ZNF254: variants seen among roughly 807,000 people sequenced by gnomAD.
ZNF254 encodes CTD-2017D11.1.
Under a neutral mutation model 12.4 loss-of-function variants are expected in ZNF254, and 10 were observed. The ratio of observed to expected loss-of-function variants is 0.80; its 90% CI spans 0.50 to 1.36. ZNF254 has a LOEUF of 1.36. Among genes scored for constraint, ZNF254 ranks in the 40% most tolerant of loss-of-function variants. ZNF254 has a pLI of 0.00. For synonymous variants in ZNF254, 305 were observed against 253.4 expected (o/e 1.20, Z -1.93); for missense variants, 996 against 763.9 (o/e 1.30, Z -3.58).
At chr19:24,035,253 T>C (rs1004961779) in intron 1 of ZNF254, among the ~76,000 whole-genome samples, 1 of 152,110 alleles carries the variant, frequency 6.6e-6, no homozygotes. Context: ...AGCCTCCGCC[T>C]CCCAGGTTGG....
Position 24,127,057 on chromosome 19 carries a change from G to C in ZNF254, c.1057G>C (p.Glu353Gln), listed in dbSNP as rs777710940. The C allele has an allele frequency of 1.2e-6, 2 of 1,613,446 alleles. No homozygotes were observed. Among genetic ancestry groups the C allele is most frequent in the South Asian group, 2.2e-5 (2 of 91,050 alleles). The change falls in exon 4 of 4, where the codon GAA becomes CAA. Residue 353 changes from glutamate (E) to glutamine (Q), a missense_variant. Physicochemically the swap from Glu to Gln is conservative, Grantham distance 29. Transcript: ENST00000357002. ...CACTGGAGAGAAACCCTACAAATGT[G>C]AAGAATGTGGCAAAGCTTTTAGCCA... ...MHTGEKPYKC[E>Q]ECGKAFSQSS... is the part of the protein sequence containing the mutation.
chr19:24,073,015 A>G (rs1386595401), intron 2 of ZNF254, among the ~76,000 whole-genome samples: 1 of 152,234 alleles, frequency 6.6e-6, no homozygotes, highest in African/African-American at 2.4e-5. Context: ...ACTTGTAACT[A>G]TACTTGGAGA....
intron 2 of ZNF254, among the ~76,000 whole-genome samples, chr19:24,053,485 G>A (rs1331560030): frequency 6.6e-6 from 1 of 152,096 alleles, no homozygotes; most frequent in Non-Finnish European, 1.5e-5. Context: ...TCTGGACCCA[G>A]CATTTAGGTG....
chr19:24,103,172 C>A (rs1406524147), intron 1 of ZNF254, among the ~76,000 whole-genome samples: 3 of 152,130 alleles, frequency 2.0e-5, no homozygotes, highest in Non-Finnish European at 4.4e-5. Context: ...TAATATGATA[C>A]TTTAAGATAG....
At chr19:24,072,382 G>C (rs893448527) in intron 2 of ZNF254, among the ~76,000 whole-genome samples, 2 of 152,066 alleles carry the variant, frequency 1.3e-5, no homozygotes, top group Non-Finnish European at 2.9e-5. Context: ...ATGTTGGCCA[G>C]GCTGGTCTCG....
At chr19:24,048,853 C>G (rs912943043) in intron 2 of ZNF254, 7 of 152,084 alleles carry the variant, frequency 4.6e-5, no homozygotes, top group Non-Finnish European at 8.8e-5. Context: ...TTTCAGACAC[C>G]CTGCTTCCTT....
At chr19:24,076,320 T>C (rs1971657657) in intron 2 of ZNF254, among the ~76,000 whole-genome samples, 1 of 152,220 alleles carries the variant, frequency 6.6e-6, no homozygotes, top group Non-Finnish European at 1.5e-5. Context: ...CCATGAAATC[T>C]TCACAATTTA....
intron 1 of ZNF254, 125 bp downstream of exon 1, chr19:24,087,462 A>T (rs1211644726): frequency 1.6e-6 from 2 of 1,213,902 alleles, no homozygotes; most frequent in Non-Finnish European, 2.4e-6. Context: ...GCTCGACCTC[A>T]GTCCCCTTCA....
At chr19:24,067,985 G>T (rs1204599170) in intron 2 of ZNF254, among the ~76,000 whole-genome samples, 1 of 152,172 alleles carries the variant, frequency 6.6e-6, no homozygotes, top group Non-Finnish European at 1.5e-5. Context: ...GCACCTAGAT[G>T]ATGTAACTCA....
chr19:24,036,578 C>T (rs898330587), intron 1 of ZNF254, among the ~76,000 whole-genome samples: 2 of 152,102 alleles, frequency 1.3e-5, no homozygotes, highest in African/African-American at 4.8e-5. Flanking sequence ...TATTGGACAA[C>T]CAGTTGGTGT....
At position 24,094,481 on chromosome 19, in the gene ZNF254, G is replaced by A. The variant is rs569429503; in HGVS notation, c.30+7144G>A. On this transcript the variant is annotated intron_variant, in intron 1 of 3. Coordinates refer to ENST00000357002, the MANE Select transcript of ZNF254 (RefSeq NM_203282.4). The stretch of plus-strand genomic sequence containing the variant: ...TCACCATGTTGGCCAGGCTGGTCTC[G>A]AACTTCTGATCTCGTGAGCCACCCA... Among the ~76,000 whole-genome samples the A allele has an allele frequency of 1.9e-4, 29 of 152,096 alleles. No homozygotes were observed. The South Asian group carries it at 4.2e-3, about 22-fold the overall frequency.
intron 3 of ZNF254, among the ~76,000 whole-genome samples, chr19:24,113,925 T>C (rs1198023801): frequency 2.6e-5 from 4 of 152,130 alleles, no homozygotes; most frequent in African/African-American, 4.8e-5. Flanking sequence ...CTCCCATTCA[T>C]AATTGCTTCG....
chr19:24,126,631 A>G lies in ZNF254; in HGVS notation c.631A>G (p.Lys211Glu), dbSNP rs748680404. Residue 211 changes from lysine (K) to glutamate (E), a missense_variant, in exon 4 of 4, where the codon AAA (lysine) becomes GAA (glutamate). Lys to Glu is a moderately conservative substitution (Grantham distance 56, BLOSUM62 1). Coordinates refer to ENST00000357002, the MANE Select transcript of ZNF254 (RefSeq NM_203282.4). Reference sequence around the variant, plus strand: ...CATTTATCATAGAGAGAAGTCCTACAAATGTAAAGAATGTGGAAAAACCTT... The same window carrying G: ...CATTTATCATAGAGAGAAGTCCTACGAATGTAAAGAATGTGGAAAAACCTT... ...KSIYHREKSY[K>E]CKECGKTFNW... The G allele has an allele frequency of 1.9e-6, 3 of 1,610,090 alleles. No homozygotes were observed. Among genetic ancestry groups the G allele is most frequent in the African/African-American group, 1.3e-5 (1 of 74,634 alleles).
Position 24,126,564 on chromosome 19 carries a change from CAA to C in ZNF254, c.566_567del (p.Lys189IlefsTer8). ...AATCTTTCAAATGTAAAAAACGTGT[CAA>C]ATTATTTTGCATGCTTTCACATAAA... Reference protein sequence around the residue: ...KKSFKCKKRVKLFCMLSHKTQ... With the variant: ...KKSFKCKKRVXLFCMLSHKTQ... On this transcript the variant is annotated frameshift_variant, in exon 4 of 4. Transcript: ENST00000357002. LOFTEE classifies it low-confidence loss of function (END_TRUNC). The C allele has an allele frequency of 6.2e-7, 1 of 1,604,532 alleles. No individual in the cohort carries two copies. Among genetic ancestry groups the C allele is most frequent in the Non-Finnish European group, 8.5e-7 (1 of 1,177,312 alleles).
chr19:24,128,163 T>G lies in ZNF254; in HGVS notation c.*183T>G. 1.7e-6 allele frequency: 1 copy of G among 594,266 alleles called. No individual in the cohort carries two copies. Among genetic ancestry groups the G allele is most frequent in the Non-Finnish European group, 2.6e-6 (1 of 382,004 alleles). 36.8% of individuals were successfully genotyped at this position (594,266 alleles called of 1,614,324 possible). A position where few individuals can be genotyped will look rare whatever the true frequency, so the allele number is the denominator to read the frequency against. On this transcript the variant is annotated 3_prime_UTR_variant, in exon 4 of 4. Transcript: ENST00000357002. ...GAATGTGAAAAAGCCTTTAAATGATTGTCACACTTGATTGTAGGTAAGATA... is the reference window on the plus strand; with the variant it reads ...GAATGTGAAAAAGCCTTTAAATGATGGTCACACTTGATTGTAGGTAAGATA...
rs1219539778 is a variant in ZNF254, at chr19:24,129,081, TGTAAGATG to T, written c.*1102_*1109del. 6.6e-6 allele frequency: 1 copy of T among 152,000 alleles called. No homozygotes were observed. Among genetic ancestry groups the T allele is most frequent in the African/African-American group, 2.4e-5 (1 of 41,426 alleles). 9.4% of individuals were successfully genotyped at this position (152,000 alleles called of 1,614,324 possible). On this transcript the variant is annotated 3_prime_UTR_variant, in exon 4 of 4. Coordinates refer to ENST00000357002, the MANE Select transcript of ZNF254 (RefSeq NM_203282.4). ...CTATGAAAAGATAAGGACATTAAAA[TGTAAGATG>T]CGTGAGGAAAATTTAGGTAGAGAGG...
chr19:24,053,920 G>T (rs958698724), intron 2 of ZNF254, among the ~76,000 whole-genome samples: 11 of 151,974 alleles, frequency 7.2e-5, no homozygotes, highest in Admixed American at 7.2e-4. Context: ...GTAAAATATT[G>T]CTAGGCCCAC....
At chr19:24,116,210 T>G (rs1304753645) in intron 3 of ZNF254, among the ~76,000 whole-genome samples, 1 of 152,112 alleles carries the variant, frequency 6.6e-6, no homozygotes, top group Non-Finnish European at 1.5e-5. Flanking sequence ...CTTTGTGGCG[T>G]TCTCTGTATT....
At chr19:24,052,400 TCGGAGGC>T (rs1461980041) in intron 2 of ZNF254, among the ~76,000 whole-genome samples, 4 of 152,170 alleles carry the variant, frequency 2.6e-5, no homozygotes, top group Middle Eastern at 3.2e-3. Flanking sequence ...ACCCATGAAA[TCGGAGGC>T]TTCTGCCTGA....
Sources: gnomAD v4.1 joint callset for allele counts (sites outside exome capture counted in the v4.1 genomes callset) on GRCh38, gnomAD v4.1.1 for gene constraint, MANE v1.5 for transcripts, NCBI Gene and HGNC (gene_info 2026-07-23, HGNC 2026-07-21) for gene names.